The following VPS53 variants were observed in gnomAD, a reference collection of about 807,000 sequenced individuals.
VPS53 encodes the protein VPS53 subunit of GARP complex, also known as vacuolar protein sorting-associated protein 53 homolog.
A neutral mutation model predicts 107.0 loss-of-function variants in VPS53; 70 were observed. That is an observed-to-expected ratio of 0.65 (90% CI 0.54 to 0.80). The LOEUF is 0.80. Among genes scored for constraint, VPS53 ranks in the 30% least tolerant of loss-of-function variants. VPS53 has a pLI of 0.00. For missense variants in VPS53, 917 were observed against 1,049.4 expected (o/e 0.87, Z 1.74); for synonymous variants, 409 against 393.3 (o/e 1.04, Z -0.47).
chr17:674,523 C>T (rs1463558438), intron 4 of VPS53: 1 of 152,210 alleles, frequency 6.6e-6, no homozygotes, highest in Non-Finnish European at 1.5e-5. Flanking sequence ...TTCGCTTACT[C>T]TCTTTAGGGC....
chr17:693,441 G>A (rs1972841862), intron 4 of VPS53, among the ~76,000 whole-genome samples: 2 of 152,296 alleles, frequency 1.3e-5, no homozygotes, highest in Admixed American at 1.3e-4. Context: ...GGGACGACTT[G>A]TAATAATAAG....
chr17:634,203 G>A (rs909559006), intron 7 of VPS53, among the ~76,000 whole-genome samples: 2 of 151,060 alleles, frequency 1.3e-5, no homozygotes, highest in Non-Finnish European at 2.9e-5. Flanking sequence ...AGAGCCTCTG[G>A]CCCAAACTAT....
Position 628,230 on chromosome 17 carries a change from C to T in VPS53, c.689G>A (p.Arg230Lys). ...TAGAACATTGCTGGGTCCTCCTGGTCTCTAGTAAAACAAACATGTACCAGG... is the reference window on the plus strand; with the variant it reads ...TAGAACATTGCTGGGTCCTCCTGGTTTCTAGTAAAACAAACATGTACCAGG... ...EEAFPSQGTK[R>K]PGGPSNVLRD... Residue 230 changes from arginine to lysine, a missense_variant and splice_region_variant, in exon 9 of 22, where the codon AGA becomes AAA. Transcript: ENST00000437048. 6.2e-7 allele frequency: 1 copy of T among 1,613,434 alleles called. No individual in the cohort carries two copies. The highest frequency in any genetic ancestry group is 8.5e-7 in the Non-Finnish European group (1 of 1,179,854).
intron 11 of VPS53, among the ~76,000 whole-genome samples, chr17:619,206 A>G (rs1228109828): frequency 6.9e-6 from 1 of 143,958 alleles, no homozygotes; most frequent in Non-Finnish European, 1.5e-5. Context: ...TTTCCCGGGT[A>G]GCTGGGACTA....
Position 520,857 on chromosome 17 carries a change from T to TGCTTCACCCTCACCTACATGAGCC in VPS53, c.2223+743_2223+744insGGCTCATGTAGGTGAGGGTGAAGC, listed in dbSNP as rs34035787. 1.2e-5 allele frequency among the ~76,000 whole-genome samples: 1 copy of TGCTTCACCCTCACCTACATGAGCC among 85,062 alleles called. No individual in the cohort carries two copies. Among genetic ancestry groups the TGCTTCACCCTCACCTACATGAGCC allele is most frequent in the Non-Finnish European group, 2.7e-5 (1 of 37,208 alleles). The allele number at this position is 85,062 out of a possible 152,430, so 55.8% of individuals were successfully genotyped here. A position where few individuals can be genotyped will look rare whatever the true frequency, so the allele number is the denominator to read the frequency against. ...CTGCTTCACCCTCACCTACATGAGC[T>TGCTTCACCCTCACCTACATGAGCC]CTTCACCCTCACCTACATGAGCTCT... On this transcript the variant is annotated intron_variant, in intron 20 of 21. Transcript: ENST00000437048. This position sits in a 1 kb window ranked among gnomAD's most constrained non-coding sequence, Gnocchi z 4.4.
chr17:526,949 C>T lies in VPS53; in HGVS notation c.2086-5211G>A, dbSNP rs1909165672. On this transcript the variant is annotated intron_variant, in intron 19 of 21. Coordinates refer to ENST00000437048, the MANE Select transcript of VPS53 (RefSeq NM_001128159.3). Reference sequence around the variant, plus strand: ...ACATAGGTGAACCATATTGGTCCCACCATAGAAAATTCTTCAATGAGGTGG... The same window carrying T: ...ACATAGGTGAACCATATTGGTCCCATCATAGAAAATTCTTCAATGAGGTGG... 3.9e-5 allele frequency among the ~76,000 whole-genome samples: 6 copies of T among 152,208 alleles called. No individual in the cohort carries two copies. In the South Asian group the frequency reaches 1.2e-3, roughly 32 times the overall value.
chr17:618,459 C>T lies in VPS53; in HGVS notation c.1116+5074G>A, dbSNP rs186164308. ...GGGACGACAGGCGTGCGCCACTACG[C>T]CCCACTAATATTTCCCGGGTAGCTG... On this transcript the variant is annotated intron_variant, in intron 11 of 21. Transcript: ENST00000437048. 3.0e-3 allele frequency among the ~76,000 whole-genome samples: 441 copies of T among 148,610 alleles called. 4 individuals carry two copies. The highest frequency in any genetic ancestry group is 9.8e-3 in the African/African-American group (393 of 40,040).
rs191799989 is a variant in VPS53, at chr17:629,836, C to T, written c.688-1605G>A. 1.6e-3 allele frequency among the ~76,000 whole-genome samples: 232 copies of T among 147,852 alleles called. 1 individual carries two copies. The highest frequency in any genetic ancestry group is 5.5e-3 in the African/African-American group (224 of 40,982). ...ACACACACACACACACACACACACA[C>T]ACACACACACGAAGTCACTATGCCA... On this transcript the variant is annotated intron_variant, in intron 8 of 21. Coordinates refer to ENST00000437048, the MANE Select transcript of VPS53 (RefSeq NM_001128159.3).
intron 4 of VPS53, among the ~76,000 whole-genome samples, chr17:693,628 G>A (rs752514974): frequency 2.6e-5 from 4 of 152,112 alleles, no homozygotes; most frequent in African/African-American, 7.2e-5. Context: ...TAGCTACTTC[G>A]GAGGCTAAGG....
intron 4 of VPS53, among the ~76,000 whole-genome samples, chr17:692,963 G>A (rs868637198): frequency 3.3e-5 from 5 of 152,092 alleles, no homozygotes; most frequent in African/African-American, 1.2e-4. Flanking sequence ...GTGAAATCCC[G>A]TCTCTACTAA....
At chr17:568,092 C>A (rs1184204163) in intron 13 of VPS53, among the ~76,000 whole-genome samples, 2 of 152,096 alleles carry the variant, frequency 1.3e-5, no homozygotes, top group Non-Finnish European at 2.9e-5. Flanking sequence ...AAGGCCATTT[C>A]TCTGGTGGGC....
At chr17:687,236 A>G (rs1972617462) in intron 4 of VPS53, among the ~76,000 whole-genome samples, 1 of 150,790 alleles carries the variant, frequency 6.6e-6, no homozygotes, top group South Asian at 2.1e-4. Flanking sequence ...CAGTGAGCAG[A>G]GATCGTAACA....
At chr17:627,052 A>T in intron 10 of VPS53, 122 bp downstream of exon 10, 1 of 1,287,954 alleles carries the variant, frequency 7.8e-7, no homozygotes, top group Non-Finnish European at 1.1e-6. Context: ...GGATGATATT[A>T]GTCATCTGGT....
At chr17:593,558 A>G (rs2143003735) in intron 12 of VPS53, among the ~76,000 whole-genome samples, 1 of 152,356 alleles carries the variant, frequency 6.6e-6, no homozygotes, top group South Asian at 2.1e-4. Context: ...ACATGAAAAA[A>G]TGCTCACCAT....
At chr17:628,030 C>T in intron 9 of VPS53, 58 bp downstream of exon 9, 1 of 1,532,638 alleles carries the variant, frequency 6.5e-7, no homozygotes, top group Non-Finnish European at 8.9e-7. Context: ...GGCTTGACAG[C>T]ACTCATGTTT....
At chr17:529,392 A>ACT (rs1294783493) in intron 19 of VPS53, among the ~76,000 whole-genome samples, 1 of 100,564 alleles carries the variant, frequency 9.9e-6, no homozygotes. Context: ...ATTCACACAC[A>ACT]CACACTCACA....
intron 5 of VPS53, among the ~76,000 whole-genome samples, chr17:660,978 C>A (rs906790423): frequency 1.3e-5 from 2 of 152,080 alleles, no homozygotes; most frequent in Admixed American, 6.6e-5. Context: ...TCGGGGCAAG[C>A]TTCTGAGCAC....
intron 2 of VPS53, among the ~76,000 whole-genome samples, chr17:704,115 A>G (rs1973314147): frequency 6.6e-6 from 1 of 152,106 alleles, no homozygotes. Context: ...TTTTCCATAA[A>G]TTTCATTTAG....
chr17:561,811 G>A (rs1324884155), intron 14 of VPS53, among the ~76,000 whole-genome samples: 1 of 152,232 alleles, frequency 6.6e-6, no homozygotes, highest in East Asian at 1.9e-4. Context: ...TGTATTTTTA[G>A]TAGAGATGGG....
Sources: allele counts gnomAD v4.1 joint callset (sites outside exome capture counted in the v4.1 genomes callset), GRCh38; gene constraint gnomAD v4.1.1; non-coding constraint Gnocchi (gnomAD v3.1); transcripts MANE v1.5; gene names NCBI Gene and HGNC (gene_info 2026-07-23, HGNC 2026-07-21).